Variants in NPEPPS observed in about 807,000 individuals in gnomAD.
NPEPPS encodes the protein aminopeptidase puromycin sensitive.
A neutral mutation model predicts 115.5 loss-of-function variants in NPEPPS; 14 were observed. That is an observed-to-expected ratio of 0.12 (90% CI 0.08 to 0.19). The LOEUF is 0.19. Ranked by LOEUF, NPEPPS falls within the 10% of genes least tolerant of loss-of-function variation. The pLI, the probability that NPEPPS is intolerant of heterozygous loss-of-function variation, is 1.00. For synonymous variants in NPEPPS, 285 were observed against 390.6 expected, an observed-to-expected ratio of 0.73 and a Z score of 3.19; for missense variants, 523 against 1,110.8, an observed-to-expected ratio of 0.47 and a Z score of 7.52.
Position 47,605,419 on chromosome 17 carries a change from C to T in NPEPPS, c.1962C>T (p.Asp654=). ...AGCCCAATTATACTGTATGGAGCGA[C>T]CTGAGCTGTAACCTGGGGATTCTCT... is the stretch of plus-strand genomic sequence containing the variant. The part of the protein sequence containing the change: ...VNEPNYTVWS[D]LSCNLGILST... Residue 654 remains aspartate (D), a synonymous_variant, in exon 17 of 23, where the codon GAC becomes GAT. Coordinates refer to ENST00000322157, the MANE Select transcript of NPEPPS (RefSeq NM_006310.4). 6.2e-7 allele frequency: 1 copy of T among 1,610,794 alleles called. No homozygotes were observed. The highest frequency in any genetic ancestry group is 8.5e-7 in the Non-Finnish European group (1 of 1,178,432).
chr17:47,578,422 C>G (rs1339295725), intron 3 of NPEPPS, among the ~76,000 whole-genome samples: 1 of 151,810 alleles, frequency 6.6e-6, no homozygotes, highest in Non-Finnish European at 1.5e-5. Context: ...TAAAAAGTCA[C>G]CATTCCTCTA....
At position 47,599,732 on chromosome 17, in the gene NPEPPS, A is replaced by G; in HGVS notation, c.1593A>G (p.Ser531=). The G allele has an allele frequency of 6.4e-7, 1 of 1,560,010 alleles. No individual in the cohort carries two copies. The highest frequency in any genetic ancestry group is 1.7e-4 in the Middle Eastern group (1 of 6,002). ...LSQKKFCAGG[S]YVGEDCPQWM... ...AAAAGAAGTTCTGTGCTGGTGGGTC[A>G]TATGTTGGTAAGTAAATGGCTGTAA... Residue 531 remains serine, a synonymous_variant, in exon 14 of 23, where the codon TCA becomes TCG. Transcript: ENST00000322157.
intron 3 of NPEPPS, among the ~76,000 whole-genome samples, chr17:47,570,292 C>T (rs1911115866): frequency 6.6e-6 from 1 of 152,058 alleles, no homozygotes. Context: ...TGTGGTGGCT[C>T]ATCCCTATAA....
Position 47,601,676 on chromosome 17 carries a change from C to T in NPEPPS, c.1669C>T (p.Leu557=). ...TAGTGAAGACCCCAACCAGGCCAAACTAAAAATTCTAATGGACAAGCCAGA... is the reference window on the plus strand; with the variant it reads ...TAGTGAAGACCCCAACCAGGCCAAATTAAAAATTCTAATGGACAAGCCAGA... The part of the protein sequence containing the change: ...STSEDPNQAK[L]KILMDKPEMN... Residue 557 remains leucine (L), a synonymous_variant, in exon 15 of 23, where the codon CTA becomes TTA. Transcript: ENST00000322157. 6.2e-7 allele frequency: 1 copy of T among 1,612,286 alleles called. No individual in the cohort carries two copies. The highest frequency in any genetic ancestry group is 8.5e-7 in the Non-Finnish European group (1 of 1,179,426).
intron 2 of NPEPPS, among the ~76,000 whole-genome samples, chr17:47,553,518 G>T (rs1305735894): frequency 6.6e-6 from 1 of 152,164 alleles, no homozygotes; most frequent in Non-Finnish European, 1.5e-5. Flanking sequence ...TCATATGGTA[G>T]TTACAGTAGT....
At chr17:47,568,307 A>G (rs1910964127) in intron 2 of NPEPPS, among the ~76,000 whole-genome samples, 1 of 152,012 alleles carries the variant, frequency 6.6e-6, no homozygotes, top group African/African-American at 2.4e-5. Context: ...CATAGCTGGG[A>G]TTAGAGGCGT....
chr17:47,573,045 G>A (rs1911296314), intron 3 of NPEPPS, among the ~76,000 whole-genome samples: 1 of 152,196 alleles, frequency 6.6e-6, no homozygotes, highest in Non-Finnish European at 1.5e-5. Context: ...CAAAGTGCTA[G>A]GATTACAGGC....
intron 18 of NPEPPS, 71 bp downstream of exon 18, chr17:47,612,673 T>C: frequency 6.6e-7 from 1 of 1,519,562 alleles, no homozygotes; most frequent in Non-Finnish European, 9.0e-7. Context: ...CTTTTTTTTT[T>C]TTTTTTTTGA....
intron 9 of NPEPPS, among the ~76,000 whole-genome samples, chr17:47,588,473 A>G (rs1246047784): frequency 6.6e-6 from 1 of 152,042 alleles, no homozygotes; most frequent in East Asian, 1.9e-4. Flanking sequence ...TTGAGGCAGA[A>G]GAATCACTTG....
intron 19 of NPEPPS, among the ~76,000 whole-genome samples, chr17:47,616,367 G>A (rs1914198000): frequency 6.6e-6 from 1 of 152,012 alleles, no homozygotes; most frequent in African/African-American, 2.4e-5. Flanking sequence ...GGGCAACATG[G>A]AGAAACTCCG....
At position 47,573,993 on chromosome 17, in the gene NPEPPS, A is replaced by G. The variant is rs530341389; in HGVS notation, c.418+4499A>G. ...AAAAAGAAATGAAAAACCTTTTTATATATTTGGAAAAATTACACCTCTGAA... is the reference window on the plus strand; with the variant it reads ...AAAAAGAAATGAAAAACCTTTTTATGTATTTGGAAAAATTACACCTCTGAA... On this transcript the variant is annotated intron_variant, in intron 3 of 22. Coordinates refer to ENST00000322157, the MANE Select transcript of NPEPPS (RefSeq NM_006310.4). Among the ~76,000 whole-genome samples the G allele has an allele frequency of 3.2e-4, 49 of 152,316 alleles. 1 individual carries two copies. The South Asian group carries it at 8.7e-3, about 27-fold the overall frequency.
At chr17:47,582,503 TTATAA>T (rs1410783134) in intron 4 of NPEPPS, 22 of 435,752 alleles carry the variant, frequency 5.0e-5, no homozygotes, top group African/African-American at 3.7e-4. Context: ...TTGTAAATAA[TTATAA>T]TATATTGTTA....
chr17:47,575,615 TTA>T (rs1331411591), intron 3 of NPEPPS, among the ~76,000 whole-genome samples: 4 of 148,584 alleles, frequency 2.7e-5, no homozygotes, highest in African/African-American at 9.9e-5. Context: ...ATTATTATTA[TTA>T]TTTTTGAGAT....
intron 2 of NPEPPS, among the ~76,000 whole-genome samples, chr17:47,550,731 A>T (rs572153342): frequency 6.6e-6 from 1 of 151,144 alleles, no homozygotes; most frequent in Non-Finnish European, 1.5e-5. Flanking sequence ...GGTTCAAGCA[A>T]TTCTCCTGCC....
At chr17:47,524,621 A>T (rs1907352401) in intron 1 of NPEPPS, among the ~76,000 whole-genome samples, 1 of 150,596 alleles carries the variant, frequency 6.6e-6, no homozygotes, top group East Asian at 2.0e-4. Context: ...CAGCCTCCTG[A>T]GTAGCTGGGA....
chr17:47,593,801 C>A (rs1163552716), intron 12 of NPEPPS, among the ~76,000 whole-genome samples: 3 of 152,170 alleles, frequency 2.0e-5, no homozygotes, highest in Non-Finnish European at 4.4e-5. Flanking sequence ...GCAATTATAA[C>A]ACAATGGTAT....
chr17:47,530,584 C>G (rs1907667595), upstream of NPEPPS, among the ~76,000 whole-genome samples: 1 of 149,552 alleles, frequency 6.7e-6, no homozygotes, highest in South Asian at 2.1e-4. Context: ...TCTCGATCTC[C>G]TTGACCTCGT....
At chr17:47,557,121 C>G (rs147765104) in intron 2 of NPEPPS, among the ~76,000 whole-genome samples, 1 of 152,150 alleles carries the variant, frequency 6.6e-6, no homozygotes, top group Non-Finnish European at 1.5e-5. Flanking sequence ...CTCTGTCACC[C>G]AGGCTGGAGT....
At chr17:47,544,368 A>AT (rs1172067222) in intron 1 of NPEPPS, among the ~76,000 whole-genome samples, 1 of 152,080 alleles carries the variant, frequency 6.6e-6, no homozygotes, top group East Asian at 1.9e-4. Context: ...TTTTGACATA[A>AT]TTTATAGTGT....
Sources: allele counts gnomAD v4.1 joint callset (sites outside exome capture counted in the v4.1 genomes callset), GRCh38; gene constraint gnomAD v4.1.1; transcripts MANE v1.5; gene names NCBI Gene and HGNC (gene_info 2026-07-23, HGNC 2026-07-21).